KSR2: variants seen among roughly 807,000 people sequenced by gnomAD.
KSR2 encodes the protein kinase suppressor of ras 2.
Under a neutral mutation model 107.8 loss-of-function variants are expected in KSR2, and 25 were observed. The observed-to-expected ratio is 0.23, with a 90% CI of 0.17 to 0.32. The LOEUF (loss-of-function observed/expected upper bound fraction) is 0.32, where lower values mean the gene tolerates loss of function less well. KSR2 is among the 10% of genes least tolerant of loss of function. The probability of loss-of-function intolerance (pLI) is 1.00; values close to 1 mark genes in which losing one functional copy is unlikely to be tolerated. For synonymous variants in KSR2, 480 were observed against 507.0 expected (o/e 0.95, Z 0.71); for missense variants, 887 against 1,268.9 (o/e 0.70, Z 4.57).
intron 16 of KSR2, among the ~76,000 whole-genome samples, chr12:117,481,831 A>G (rs1872193817): frequency 1.3e-5 from 2 of 152,092 alleles, no homozygotes; most frequent in African/African-American, 4.8e-5. Flanking sequence ...GATGCCCCTT[A>G]TTCAAGGGGT....
intron 4 of KSR2, among the ~76,000 whole-genome samples, chr12:117,679,247 C>T (rs1885267432): frequency 6.6e-6 from 1 of 152,178 alleles, no homozygotes; most frequent in South Asian, 2.1e-4. Flanking sequence ...GCATCAGCAC[C>T]ATGCACGGAG....
chr12:117,967,420 T>A (rs569732980), intron 1 of KSR2, among the ~76,000 whole-genome samples: 9 of 152,212 alleles, frequency 5.9e-5, no homozygotes, highest in Non-Finnish European at 8.8e-5. Flanking sequence ...CTTTTGTACG[T>A]TTTAGGCCTG....
intron 5 of KSR2, among the ~76,000 whole-genome samples, chr12:117,631,586 A>C (rs6490139): frequency 0.91 from 138,544 of 152,206 alleles, 63,309 homozygotes; most frequent in East Asian, 0.99. Context: ...TTTCTTCATC[A>C]ATATTCCAAT....
At chr12:117,491,466 C>T (rs931964079) in intron 14 of KSR2, among the ~76,000 whole-genome samples, 1 of 152,184 alleles carries the variant, frequency 6.6e-6, no homozygotes, top group African/African-American at 2.4e-5. Context: ...AGGCCTGAGC[C>T]ACTGCCCCTG....
intron 7 of KSR2, among the ~76,000 whole-genome samples, chr12:117,564,285 A>G (rs888843481): frequency 1.3e-5 from 2 of 152,206 alleles, no homozygotes; most frequent in African/African-American, 2.4e-5. Flanking sequence ...ATATGGTTCC[A>G]GAAATGGTCA....
At chr12:117,928,320 C>T (rs2137487227) in intron 1 of KSR2, among the ~76,000 whole-genome samples, 1 of 151,998 alleles carries the variant, frequency 6.6e-6, no homozygotes, top group South Asian at 2.1e-4. Context: ...GTAGCTGGAA[C>T]TACAGGCATG....
intron 14 of KSR2, among the ~76,000 whole-genome samples, chr12:117,518,623 C>A (rs1197991227): frequency 6.6e-6 from 1 of 152,228 alleles, no homozygotes; most frequent in African/African-American, 2.4e-5. Flanking sequence ...GTAGCGTGGG[C>A]AGCTGCCATT....
intron 4 of KSR2, among the ~76,000 whole-genome samples, chr12:117,707,077 A>T (rs1253342778): frequency 6.6e-6 from 1 of 152,250 alleles, no homozygotes; most frequent in African/African-American, 2.4e-5. Context: ...AAAGGAATGC[A>T]CACTACATGA....
intron 1 of KSR2, among the ~76,000 whole-genome samples, chr12:117,911,029 C>T (rs770846203): frequency 9.2e-5 from 14 of 152,150 alleles, no homozygotes; most frequent in Non-Finnish European, 4.4e-5. Flanking sequence ...TAAGTCATGC[C>T]TGATGAACTT....
chr12:117,793,185 T>C (rs1490240022), intron 3 of KSR2, among the ~76,000 whole-genome samples: 14 of 123,140 alleles, frequency 1.1e-4, no homozygotes, highest in African/African-American at 3.1e-4. Context: ...CACACACCAA[T>C]GTGCACACAT....
intron 14 of KSR2, among the ~76,000 whole-genome samples, chr12:117,498,497 A>G (rs569313045): frequency 1.3e-5 from 2 of 152,280 alleles, no homozygotes; most frequent in African/African-American, 4.8e-5. Context: ...TGCTCTTGGA[A>G]TGAGTGCATG....
At chr12:117,727,429 A>G (rs1023708342) in intron 4 of KSR2, among the ~76,000 whole-genome samples, 4 of 150,364 alleles carry the variant, frequency 2.7e-5, no homozygotes, top group Admixed American at 6.8e-5. Flanking sequence ...GAAGAAGGGG[A>G]AGGAGGAGGA....
At chr12:117,502,546 C>T (rs996272468) in intron 14 of KSR2, among the ~76,000 whole-genome samples, 20 of 151,822 alleles carry the variant, frequency 1.3e-4, no homozygotes, top group African/African-American at 2.2e-4. Context: ...GAATCGATTC[C>T]GTTTTTTTGA....
intron 5 of KSR2, among the ~76,000 whole-genome samples, chr12:117,605,066 C>T (rs938601246): frequency 3.4e-4 from 51 of 152,180 alleles, no homozygotes; most frequent in African/African-American, 1.2e-3. Flanking sequence ...CTTGTGCTTT[C>T]TTGTAATCAT....
intron 5 of KSR2, among the ~76,000 whole-genome samples, chr12:117,634,329 A>G (rs1882950818): frequency 6.6e-6 from 1 of 152,186 alleles, no homozygotes; most frequent in Admixed American, 6.5e-5. Context: ...GGAAGGAGAA[A>G]GACAAAATAT....
chr12:117,789,821 G>T (rs1294603872), intron 3 of KSR2, among the ~76,000 whole-genome samples: 2 of 152,140 alleles, frequency 1.3e-5, no homozygotes, highest in Admixed American at 1.3e-4. Flanking sequence ...AAACAGACAA[G>T]GTCCCCATCC....
At chr12:117,653,588 A>T (rs947812888) in intron 5 of KSR2, among the ~76,000 whole-genome samples, 1 of 152,264 alleles carries the variant, frequency 6.6e-6, no homozygotes, top group Non-Finnish European at 1.5e-5. Flanking sequence ...TGCATGCCAG[A>T]GGATGGGAAA....
At position 117,469,789 on chromosome 12, in the gene KSR2, G is replaced by A. The variant is rs748219836; in HGVS notation, c.2719C>T (p.Leu907Phe). 6.2e-7 allele frequency: 1 copy of A among 1,613,806 alleles called. No homozygotes were observed. The highest frequency in any genetic ancestry group is 8.5e-7 in the Non-Finnish European group (1 of 1,179,828). ...IGMGKEISDI[L>F]LFCWAFEQEE... ...TGTTCAAAGGCCCAGCAGAAGAGAAGAATGTCCTAAATGAAACCAATGTGT... is the reference window on the plus strand; with the variant it reads ...TGTTCAAAGGCCCAGCAGAAGAGAAAAATGTCCTAAATGAAACCAATGTGT... Residue 907 changes from leucine (L) to phenylalanine (F), a missense_variant, in exon 19 of 20, where the codon CTT (leucine) becomes TTT (phenylalanine). By Grantham distance (22) the Leu-to-Phe change is conservative. Transcript: ENST00000339824.
At chr12:117,567,536 C>T (rs1035291248) in intron 7 of KSR2, among the ~76,000 whole-genome samples, 3 of 152,004 alleles carry the variant, frequency 2.0e-5, no homozygotes, top group Non-Finnish European at 2.9e-5. Context: ...TTTGAAAAGA[C>T]ACCCTCTGGC....
Sources: gnomAD v4.1 joint callset for allele counts (sites outside exome capture counted in the v4.1 genomes callset) on GRCh38, gnomAD v4.1.1 for gene constraint, MANE v1.5 for transcripts, NCBI Gene and HGNC (gene_info 2026-07-23, HGNC 2026-07-21) for gene names.